Variants in OPCML observed in about 807,000 individuals in gnomAD.
OPCML encodes opioid-binding protein/cell adhesion molecule.
In OPCML, 13 loss-of-function variants were observed where a neutral mutation model predicts 37.8. The observed-to-expected ratio is 0.34, with a 90% confidence interval of 0.22 to 0.55. The LOEUF (loss-of-function observed/expected upper bound fraction) is 0.55. Among genes scored for constraint, OPCML ranks in the 20% least tolerant of loss-of-function variants. The probability of loss-of-function intolerance (pLI) is 0.91; values close to 1 mark genes in which losing one functional copy is unlikely to be tolerated. For missense variants in OPCML, 341 were observed against 435.6 expected (o/e 0.78, Z 1.93); for synonymous variants, 176 against 168.8 (o/e 1.04, Z -0.33).
intron 3 of OPCML, among the ~76,000 whole-genome samples, chr11:132,592,766 G>C (rs1338207713): frequency 2.0e-5 from 3 of 152,194 alleles, no homozygotes; most frequent in African/African-American, 7.2e-5. Flanking sequence ...AAAGATCAAA[G>C]GAAGACCCAC....
chr11:132,805,991 T>C (rs754155549), intron 2 of OPCML, among the ~76,000 whole-genome samples: 1 of 151,924 alleles, frequency 6.6e-6, no homozygotes, highest in Non-Finnish European at 1.5e-5. Flanking sequence ...CAAGGACAGG[T>C]AAACATAAAA....
At chr11:132,603,161 A>C (rs761791811) in intron 3 of OPCML, among the ~76,000 whole-genome samples, 1 of 151,996 alleles carries the variant, frequency 6.6e-6, no homozygotes, top group Non-Finnish European at 1.5e-5. Flanking sequence ...TTCTTCCTAA[A>C]TCTGTATGTC....
chr11:132,942,793 G>A (rs1453251164), intron 2 of OPCML, 133 bp downstream of exon 2: 1 of 1,151,728 alleles, frequency 8.7e-7, no homozygotes, highest in East Asian at 2.4e-5. Context: ...CAGCACGCAA[G>A]CGGGCGCCCC....
Position 133,114,119 on chromosome 11 carries a change from A to T in OPCML, c.62-171109T>A, listed in dbSNP as rs146423527. Reference sequence around the variant, plus strand: ...GAAGAATTTCCACATAAACCTTATAATCTTGTTGCTCACAGAAATCTTATG... The same window carrying T: ...GAAGAATTTCCACATAAACCTTATATTCTTGTTGCTCACAGAAATCTTATG... On this transcript the variant is annotated intron_variant, in intron 1 of 7. Coordinates refer to ENST00000524381, the MANE Select transcript of OPCML (RefSeq NM_001012393.5). 4.5e-3 allele frequency among the ~76,000 whole-genome samples: 680 copies of T among 152,308 alleles called. 2 individuals are homozygous for T. Among genetic ancestry groups the T allele is most frequent in the African/African-American group, 0.015 (639 of 41,582 alleles).
chr11:132,530,887 C>T (rs568736802), intron 3 of OPCML, among the ~76,000 whole-genome samples: 2 of 152,226 alleles, frequency 1.3e-5, no homozygotes, highest in African/African-American at 4.8e-5. Flanking sequence ...TCTTGATTCC[C>T]TACCTGAACA....
intron 4 of OPCML, among the ~76,000 whole-genome samples, chr11:132,444,568 A>G (rs4937702): frequency 0.49 from 73,984 of 151,984 alleles, 20,206 homozygotes; most frequent in African/African-American, 0.76. Flanking sequence ...TCCTTAACTC[A>G]TTACAGCAGC....
intron 2 of OPCML, among the ~76,000 whole-genome samples, chr11:132,824,390 C>G (rs1940175671): frequency 6.6e-6 from 1 of 152,196 alleles, no homozygotes; most frequent in African/African-American, 2.4e-5. Context: ...CCTCTGTCCT[C>G]TCTGCTACCC....
intron 1 of OPCML, among the ~76,000 whole-genome samples, chr11:133,160,042 T>C (rs1026906901): frequency 1.3e-5 from 2 of 152,254 alleles, no homozygotes; most frequent in African/African-American, 4.8e-5. Context: ...AATCACATAA[T>C]GTCTTTTATA....
At chr11:132,424,310 G>A (rs185546766) in intron 7 of OPCML, among the ~76,000 whole-genome samples, 3 of 152,078 alleles carry the variant, frequency 2.0e-5, no homozygotes, top group Admixed American at 6.5e-5. Context: ...TAGTAGAGAC[G>A]GGGTTTCACC....
intron 2 of OPCML, among the ~76,000 whole-genome samples, chr11:132,841,157 A>G (rs913250727): frequency 2.6e-5 from 4 of 152,224 alleles, no homozygotes; most frequent in Non-Finnish European, 5.9e-5. Context: ...CCATTAACAA[A>G]TGCTGCAAGC....
In OPCML at chr11:133,123,248, A is replaced by T. The variant is rs190275305; in HGVS notation, c.62-180238T>A. 7.9e-5 allele frequency among the ~76,000 whole-genome samples: 12 copies of T among 152,264 alleles called. No homozygotes were observed. The East Asian group carries it at 2.3e-3, about 29-fold the overall frequency. The stretch of plus-strand genomic sequence containing the variant: ...AGCCAGCTCATTTGGGTGACAGATG[A>T]TTCTTGCCCTTGTGCTACCCTTGTA... On this transcript the variant is annotated intron_variant, in intron 1 of 7. Transcript: ENST00000524381.
chr11:132,967,867 A>G (rs933854750), intron 1 of OPCML, among the ~76,000 whole-genome samples: 1 of 152,076 alleles, frequency 6.6e-6, no homozygotes, highest in African/African-American at 2.4e-5. Flanking sequence ...AAATGTCTTT[A>G]TTTCACCTTC....
In OPCML at chr11:133,205,899, G is replaced by T. The variant is rs951554908; in HGVS notation, c.62-262889C>A. 1.3e-5 allele frequency among the ~76,000 whole-genome samples: 2 copies of T among 152,092 alleles called. No homozygotes were observed. The highest frequency in any genetic ancestry group is 4.8e-5 in the African/African-American group (2 of 41,424). On this transcript the variant is annotated intron_variant, in intron 1 of 7. Coordinates refer to ENST00000524381, the MANE Select transcript of OPCML (RefSeq NM_001012393.5). This position sits in a 1 kb window ranked among gnomAD's most constrained non-coding sequence, Gnocchi z 4.8. Reference sequence around the variant, plus strand: ...TGTCAGAGTGCAATGGCAAAGTGGGGGCCAGGGTTCACAATCTGTCTCCAA... The same window carrying T: ...TGTCAGAGTGCAATGGCAAAGTGGGTGCCAGGGTTCACAATCTGTCTCCAA...
intron 1 of OPCML, chr11:133,065,190 G>T (rs572865704): frequency 6.6e-6 from 1 of 152,424 alleles, no homozygotes; most frequent in Non-Finnish European, 1.5e-5. Flanking sequence ...ATCCATCTGT[G>T]CTGAGCCTGG....
chr11:133,120,078 A>G (rs910042811), intron 1 of OPCML, among the ~76,000 whole-genome samples: 3 of 152,160 alleles, frequency 2.0e-5, no homozygotes, highest in Non-Finnish European at 1.5e-5. Context: ...CTGCTTCACC[A>G]CTACCCATAA....
rs188139741 is a variant in OPCML, at chr11:133,317,803, T to A, written c.61+214461A>T. 2.1e-4 allele frequency among the ~76,000 whole-genome samples: 32 copies of A among 152,358 alleles called. 1 individual carries two copies. Among genetic ancestry groups the A allele is most frequent in the Admixed American group, 1.8e-3 (28 of 15,302 alleles). Reference sequence around the variant, plus strand: ...CCAGATTCAGTTTCTTAAATTTTTCTCATGTGGCCTATACCTAAGTGTACC... The same window carrying A: ...CCAGATTCAGTTTCTTAAATTTTTCACATGTGGCCTATACCTAAGTGTACC... On this transcript the variant is annotated intron_variant, in intron 1 of 7. Transcript: ENST00000524381.
chr11:132,921,416 T>C (rs1294167448), intron 2 of OPCML, among the ~76,000 whole-genome samples: 3 of 152,180 alleles, frequency 2.0e-5, no homozygotes, highest in African/African-American at 7.2e-5. Context: ...TCTGACCACC[T>C]CCACCTCCAT....
chr11:132,615,931 G>A (rs1938979604), intron 3 of OPCML, among the ~76,000 whole-genome samples: 2 of 152,186 alleles, frequency 1.3e-5, no homozygotes, highest in Admixed American at 1.3e-4. Flanking sequence ...AGCCACAATT[G>A]CGAGATGCAT....
intron 4 of OPCML, among the ~76,000 whole-genome samples, chr11:132,461,683 A>G (rs1296250238): frequency 6.6e-6 from 1 of 152,116 alleles, no homozygotes; most frequent in Admixed American, 6.5e-5. Flanking sequence ...CATACTCGAG[A>G]CTGGATAATT....
Sources: gnomAD v4.1 joint callset for allele counts (sites outside exome capture counted in the v4.1 genomes callset) on GRCh38, gnomAD v4.1.1 for gene constraint, Gnocchi (gnomAD v3.1) non-coding constraint, MANE v1.5 for transcripts, NCBI Gene and HGNC (gene_info 2026-07-23, HGNC 2026-07-21) for gene names.